The following EYS variants were observed in gnomAD, a reference collection of about 807,000 sequenced individuals.
EYS encodes the protein EGF-like photoreceptor maintenance factor, also known as protein eyes shut homolog.
A neutral mutation model predicts 282.1 loss-of-function variants in EYS; 250 were observed. That is an observed-to-expected ratio of 0.89 (90% confidence interval 0.80 to 0.98). EYS has a LOEUF of 0.98. EYS is among the 50% of genes least tolerant of loss of function. The pLI is 0.00. For missense variants in EYS, 4,016 were observed against 3,709.0 expected, an observed-to-expected ratio of 1.08 and a Z score of -2.15; for synonymous variants, 1,355 against 1,282.9, an observed-to-expected ratio of 1.06 and a Z score of -1.20.
intron 12 of EYS, among the ~76,000 whole-genome samples, chr6:65,263,638 T>C (rs908355216): frequency 3.3e-5 from 5 of 151,776 alleles, no homozygotes; most frequent in African/African-American, 1.2e-4. Flanking sequence ...TCTATAAGGG[T>C]AGCAAGTAGC....
intron 31 of EYS, among the ~76,000 whole-genome samples, chr6:64,124,354 A>G (rs1317542938): frequency 1.3e-5 from 2 of 152,086 alleles, no homozygotes; most frequent in Non-Finnish European, 2.9e-5. Context: ...TCTTCTCTCT[A>G]GGGGAAAGTT....
At chr6:63,866,388 C>T (rs1772672318) in intron 35 of EYS, among the ~76,000 whole-genome samples, 1 of 152,158 alleles carries the variant, frequency 6.6e-6, no homozygotes, top group African/African-American at 2.4e-5. Context: ...TTCTTGAGAG[C>T]TGCCTTCTGG....
intron 36 of EYS, among the ~76,000 whole-genome samples, chr6:63,850,422 T>A (rs1240910998): frequency 6.6e-6 from 1 of 151,948 alleles, no homozygotes; most frequent in Non-Finnish European, 1.5e-5. Context: ...TTAAGGGCAG[T>A]CAGAGAGAAA....
intron 31 of EYS, among the ~76,000 whole-genome samples, chr6:64,085,340 G>GCGCGCGCACACACA (rs112388321): frequency 1.4e-5 from 2 of 139,814 alleles, no homozygotes; most frequent in East Asian, 2.2e-4. Flanking sequence ...ACGTGCGCGC[G>GCGCGCGCACACACA]CACACACACA....
intron 35 of EYS, among the ~76,000 whole-genome samples, chr6:63,936,286 T>G (rs114381677): frequency 6.6e-6 from 1 of 152,212 alleles, no homozygotes. Flanking sequence ...AAATGCCAAT[T>G]TACATGTATT....
chr6:64,855,201 C>T (rs1441605612), intron 19 of EYS, among the ~76,000 whole-genome samples: 2 of 151,800 alleles, frequency 1.3e-5, no homozygotes, highest in Admixed American at 1.3e-4. Context: ...TTGTACTCAT[C>T]CTGATTGAGG....
At chr6:65,074,968 T>C (rs772509777) in intron 12 of EYS, among the ~76,000 whole-genome samples, 1 of 152,012 alleles carries the variant, frequency 6.6e-6, no homozygotes, top group Non-Finnish European at 1.5e-5. Flanking sequence ...GAGAAACAAA[T>C]GAAATGGTAT....
At chr6:65,272,320 C>T (rs1356262834) in intron 12 of EYS, among the ~76,000 whole-genome samples, 3 of 152,012 alleles carry the variant, frequency 2.0e-5, no homozygotes, top group Non-Finnish European at 4.4e-5. Context: ...GGAGAGTGTT[C>T]CCTTGACTTT....
At chr6:64,350,855 A>T (rs1377512424) in intron 29 of EYS, among the ~76,000 whole-genome samples, 1 of 151,516 alleles carries the variant, frequency 6.6e-6, no homozygotes, top group Non-Finnish European at 1.5e-5. Context: ...GGAGGTGATT[A>T]GTTCATGGGG....
rs1387919586 is a variant in EYS at position 64,766,649 on chromosome 6, A to AAAAAATATATATAT, written c.3443+46728_3443+46729insATATATATATTTTT. ...TCCGTCTCAAAAAAAAAAAAAAAAA[A>AAAAAATATATATAT]ATATATATATATATATATATATATA... On this transcript the variant is annotated intron_variant, in intron 22 of 42. Transcript: ENST00000503581. Among the ~76,000 whole-genome samples the AAAAAATATATATAT allele has an allele frequency of 4.7e-4, 9 of 19,064 alleles. 1 individual carries two copies. Among genetic ancestry groups the AAAAAATATATATAT allele is most frequent in the Admixed American group, 9.6e-4 (1 of 1,042 alleles). 12.5% of individuals were successfully genotyped at this position (19,064 alleles called of 152,430 possible).
At chr6:64,672,320 C>T (rs12662978) in intron 22 of EYS, among the ~76,000 whole-genome samples, 16,929 of 152,204 alleles carry the variant, frequency 0.11, 1,114 homozygotes, top group East Asian at 0.16. Flanking sequence ...AAACACAAGA[C>T]CTTTGTTTAG....
intron 8 of EYS, among the ~76,000 whole-genome samples, chr6:65,371,741 C>CTCTCTCTCTGTG (rs1335075948): frequency 5.7e-5 from 4 of 70,240 alleles, no homozygotes; most frequent in African/African-American, 1.2e-4. Context: ...CTCTCTCTCT[C>CTCTCTCTCTGTG]TGTGTGTGTG....
chr6:64,800,114 T>A (rs1014825855), intron 22 of EYS, among the ~76,000 whole-genome samples: 1 of 152,006 alleles, frequency 6.6e-6, no homozygotes, highest in African/African-American at 2.4e-5. Context: ...ATCATGCTTT[T>A]AAAATTGGAA....
At chr6:63,933,860 C>A (rs1764971554) in intron 35 of EYS, among the ~76,000 whole-genome samples, 1 of 152,106 alleles carries the variant, frequency 6.6e-6, no homozygotes, top group Non-Finnish European at 1.5e-5. Flanking sequence ...TAATATCATC[C>A]AGGTAAAGGA....
chr6:65,290,244 T>C (rs748629142), intron 12 of EYS, among the ~76,000 whole-genome samples: 54 of 151,062 alleles, frequency 3.6e-4, no homozygotes, highest in Non-Finnish European at 7.0e-4. Flanking sequence ...AAGGACTCTG[T>C]CATTAAACAT....
At chr6:64,647,935 A>C (rs1768415339) in intron 22 of EYS, among the ~76,000 whole-genome samples, 1 of 152,196 alleles carries the variant, frequency 6.6e-6, no homozygotes, top group Non-Finnish European at 1.5e-5. Flanking sequence ...ATGCTTCCGT[A>C]AGAAAAAATA....
chr6:65,382,485 G>GTGTGTA (rs1765655371), intron 8 of EYS, among the ~76,000 whole-genome samples: 1 of 151,222 alleles, frequency 6.6e-6, no homozygotes. Context: ...GTGTGTGTGT[G>GTGTGTA]TGTGTGTGTG....
intron 28 of EYS, among the ~76,000 whole-genome samples, chr6:64,390,012 G>A (rs201146776): frequency 0.69 from 100,075 of 145,958 alleles, 34,377 homozygotes; most frequent in Non-Finnish European, 0.71. Flanking sequence ...AAGGGGTGAT[G>A]GATGGCACCT....
chr6:65,218,044 A>C (rs1448157249), intron 12 of EYS, among the ~76,000 whole-genome samples: 1 of 152,076 alleles, frequency 6.6e-6, no homozygotes, highest in Non-Finnish European at 1.5e-5. Flanking sequence ...ATAGTGGATA[A>C]GTTCAGTTTA....
Sources: allele counts gnomAD v4.1 joint callset (sites outside exome capture counted in the v4.1 genomes callset), GRCh38; gene constraint gnomAD v4.1.1; transcripts MANE v1.5; gene names NCBI Gene and HGNC (gene_info 2026-07-23, HGNC 2026-07-21).